Variants in TPTE2 observed in about 807,000 individuals in gnomAD.
TPTE2 encodes the protein transmembrane phosphoinositide 3-phosphatase and tensin homolog 2.
Under a neutral mutation model 78.6 loss-of-function variants are expected in TPTE2, and 53 were observed. That is an observed-to-expected ratio of 0.67 (90% confidence interval 0.54 to 0.85). The LOEUF is 0.85. Ranked by LOEUF, TPTE2 falls within the 40% of genes least tolerant of loss-of-function variation. The probability of loss-of-function intolerance (pLI) is 0.00; values close to 1 mark genes in which losing one functional copy is unlikely to be tolerated. For synonymous variants in TPTE2, 175 were observed against 206.2 expected, an observed-to-expected ratio of 0.85 and a Z score of 1.30; for missense variants, 461 against 623.0, an observed-to-expected ratio of 0.74 and a Z score of 2.77.
At chr13:19,537,721 G>C (rs562246606), upstream of TPTE2, among the ~76,000 whole-genome samples, 3 of 151,858 alleles carry the variant, frequency 2.0e-5, no homozygotes, top group Admixed American at 2.0e-4. Flanking sequence ...TCCTGCCTCA[G>C]CCTCCTGAGT....
the TPTE2 span, among the ~76,000 whole-genome samples, chr13:19,555,484 A>C: frequency 2.0e-5 from 3 of 152,216 alleles, no homozygotes; most frequent in Non-Finnish European, 2.9e-5. Context: ...ACATTTTGCT[A>C]TTCTTGTACT....
At chr13:19,546,046 T>C in the TPTE2 span, among the ~76,000 whole-genome samples, 1 of 152,014 alleles carries the variant, frequency 6.6e-6, no homozygotes, top group Non-Finnish European at 1.5e-5. Flanking sequence ...ATTTAAAAAG[T>C]AGCCAGCTGT....
At chr13:19,457,425 T>C (rs2497241) in intron 10 of TPTE2, among the ~76,000 whole-genome samples, 1 of 152,178 alleles carries the variant, frequency 6.6e-6, no homozygotes, top group Admixed American at 6.5e-5. Context: ...TGTTACACAG[T>C]TAAATGTGTG....
At chr13:19,470,962 T>A (rs1253785264) in intron 6 of TPTE2, among the ~76,000 whole-genome samples, 2 of 151,276 alleles carry the variant, frequency 1.3e-5, no homozygotes, top group African/African-American at 4.9e-5. Flanking sequence ...CAGGCTGGAG[T>A]GCAGTGGCAC....
At chr13:19,512,508 T>C (rs1869516414) in intron 1 of TPTE2, among the ~76,000 whole-genome samples, 1 of 152,198 alleles carries the variant, frequency 6.6e-6, no homozygotes, top group Admixed American at 6.5e-5. Context: ...ATTCTTCAAA[T>C]GAACTTTTAG....
the TPTE2 span, among the ~76,000 whole-genome samples, chr13:19,557,838 TA>T: frequency 6.6e-6 from 1 of 152,214 alleles, no homozygotes; most frequent in Admixed American, 6.5e-5. Flanking sequence ...TTTTCAAGTT[TA>T]ATTTTTAATT....
intron 1 of TPTE2, among the ~76,000 whole-genome samples, chr13:19,500,810 GC>G (rs1231218944): frequency 6.8e-6 from 1 of 147,820 alleles, no homozygotes; most frequent in Non-Finnish European, 1.5e-5. Flanking sequence ...GGGCAATTAG[GC>G]AGGAGAAGGA....
intron 3 of TPTE2, among the ~76,000 whole-genome samples, chr13:19,487,670 T>G (rs975412338): frequency 2.0e-5 from 3 of 152,104 alleles, no homozygotes; most frequent in African/African-American, 7.2e-5. Flanking sequence ...GGATTGTGGC[T>G]TTAACCCACC....
intron 1 of TPTE2, among the ~76,000 whole-genome samples, chr13:19,497,464 G>C (rs1316509597): frequency 2.7e-5 from 3 of 111,600 alleles, no homozygotes; most frequent in East Asian, 5.2e-4. Flanking sequence ...AGAACGGGCA[G>C]ACTGCCTCCT....
the TPTE2 span, among the ~76,000 whole-genome samples, chr13:19,548,992 G>A: frequency 2.0e-5 from 3 of 151,920 alleles, no homozygotes. Flanking sequence ...ATGGTGGCGG[G>A]CCCCTGTATC....
chr13:19,540,970 TGA>T (rs1347493641), upstream of TPTE2, among the ~76,000 whole-genome samples: 5 of 152,238 alleles, frequency 3.3e-5, no homozygotes, highest in African/African-American at 1.2e-4. Flanking sequence ...TCACAGTTTC[TGA>T]GAGTCTCCTG....
intron 17 of TPTE2, 71 bp downstream of exon 20, chr13:19,430,397 G>A: frequency 8.8e-7 from 1 of 1,137,028 alleles, no homozygotes; most frequent in Non-Finnish European, 1.3e-6. Flanking sequence ...TTATGGAGGT[G>A]AACATTGCTG....
upstream of TPTE2, among the ~76,000 whole-genome samples, chr13:19,537,277 A>G (rs1299116830): frequency 6.9e-6 from 1 of 144,688 alleles, no homozygotes; most frequent in Non-Finnish European, 1.5e-5. Context: ...CTTGTCACCC[A>G]GGCTGGAGTG....
the TPTE2 span, among the ~76,000 whole-genome samples, chr13:19,553,780 T>C: frequency 2.6e-5 from 4 of 152,196 alleles, no homozygotes; most frequent in Non-Finnish European, 5.9e-5. Context: ...GCCTGCGTAC[T>C]GTGTGTGTAT....
At position 19,523,958 on chromosome 13, in the gene TPTE2, C is replaced by T. The variant is rs574980242; in HGVS notation, c.-44+12638G>A. On this transcript the variant is annotated intron_variant, in intron 1 of 17. Coordinates refer to the TPTE2 transcript ENST00000390680. ...TGTTAGTTAACATTGTGGCTGCCTG[C>T]GGTAGCAAATAGGAATCGGGGCAAT... is the stretch of plus-strand genomic sequence containing the variant. Among the ~76,000 whole-genome samples the T allele has an allele frequency of 2.0e-5, 3 of 152,174 alleles. No individual in the cohort carries two copies. The South Asian group carries it at 6.2e-4, about 32-fold the overall frequency.
At chr13:19,551,482 C>T in the TPTE2 span, among the ~76,000 whole-genome samples, 13 of 151,866 alleles carry the variant, frequency 8.6e-5, no homozygotes, top group South Asian at 2.1e-4. Context: ...CCCAGCTACT[C>T]GGCTTGGGAT....
upstream of TPTE2, among the ~76,000 whole-genome samples, chr13:19,507,327 A>AC (rs1869138911): frequency 1.4e-5 from 2 of 144,006 alleles, no homozygotes; most frequent in Admixed American, 1.4e-4. Flanking sequence ...AAAAAAAAAC[A>AC]CATGCAATTT....
intron 9 of TPTE2, 54 bp from the exon 13 acceptor site, chr13:19,464,574 CA>C (rs34800894): frequency 0.13 from 205,690 of 1,554,014 alleles, 17,114 homozygotes; most frequent in African/African-American, 0.38. Context: ...TCATATAACA[CA>C]AAAAAAATTA....
rs1869943717 is a variant in TPTE2, at chr13:19,518,511, A to G, written c.-43-15234T>C. Among the ~76,000 whole-genome samples the G allele has an allele frequency of 2.0e-5, 3 of 152,240 alleles. No individual in the cohort carries two copies. The South Asian group carries it at 6.2e-4, about 31-fold the overall frequency. On this transcript the variant is annotated intron_variant, in intron 1 of 17. Transcript: ENST00000390680. ...CAAATAAGCAAATGAAAAAATGTTCATCATCACTAGCTGTTAGAGAAATGC... is the reference window on the plus strand; with the variant it reads ...CAAATAAGCAAATGAAAAAATGTTCGTCATCACTAGCTGTTAGAGAAATGC...
Sources: gnomAD v4.1 joint callset for allele counts (sites outside exome capture counted in the v4.1 genomes callset) on GRCh38, gnomAD v4.1.1 for gene constraint, MANE v1.5 for transcripts, NCBI Gene and HGNC (gene_info 2026-07-23, HGNC 2026-07-21) for gene names.